The following PCDHA5 variants were observed in gnomAD, a reference collection of about 807,000 sequenced individuals.
The protein encoded by PCDHA5 is protocadherin alpha-5.
In PCDHA5, 43 loss-of-function variants were observed where a neutral mutation model predicts 61.6. The ratio of observed to expected loss-of-function variants is 0.70; its 90% CI spans 0.55 to 0.90. The LOEUF (loss-of-function observed/expected upper bound fraction) is 0.90, where lower values mean the gene tolerates loss of function less well. Ranked by LOEUF, PCDHA5 falls within the 40% of genes least tolerant of loss-of-function variation. PCDHA5 has a pLI of 0.00. For missense variants in PCDHA5, 1,298 were observed against 1,222.7 expected (o/e 1.06, Z -0.92); for synonymous variants, 627 against 543.9 (o/e 1.15, Z -2.13).
In PCDHA5 at chr5:140,850,552, C is replaced by A. The variant is rs112046100; in HGVS notation, c.2352+26425C>A. On this transcript the variant is annotated intron_variant, in intron 1 of 3. Coordinates refer to ENST00000529859, the MANE Select transcript of PCDHA5 (RefSeq NM_018908.3). ...TCATCGTCGCGGGCGTCAGTGGGTG[C>A]CACGGGCCCCGAGGTGACGCTGGTG... is the stretch of plus-strand genomic sequence containing the variant. 1,841 of 1,598,232 alleles carry A rather than the reference C, an allele frequency of 1.2e-3. 121 individuals carry two copies. The African/African-American group carries it at 0.021, about 18-fold the overall frequency.
chr5:140,929,020 A>C (rs1183262810), intron 1 of PCDHA5: 6 of 1,614,070 alleles, frequency 3.7e-6, no homozygotes, highest in Non-Finnish European at 5.1e-6. Flanking sequence ...GTTGCACCAG[A>C]GCCCAGGCTG....
intron 1 of PCDHA5, among the ~76,000 whole-genome samples, chr5:140,897,618 T>C: frequency 6.6e-6 from 1 of 152,172 alleles, no homozygotes; most frequent in Non-Finnish European, 1.5e-5. Flanking sequence ...TTCCAAGTCT[T>C]TACTATTGTG....
At chr5:141,000,608 A>G (rs1554257700) in intron 3 of PCDHA5, among the ~76,000 whole-genome samples, 2 of 150,664 alleles carry the variant, frequency 1.3e-5, no homozygotes, top group African/African-American at 4.9e-5. Context: ...TTGTATTTTT[A>G]GTAGAGACAG....
At chr5:140,876,740 T>G (rs782650836) in intron 1 of PCDHA5, 2 of 1,614,236 alleles carry the variant, frequency 1.2e-6, no homozygotes, top group East Asian at 4.5e-5. Context: ...GCCTATGAGC[T>G]GGTGGTGACT....
At chr5:140,887,776 G>T (rs2061574225) in intron 1 of PCDHA5, among the ~76,000 whole-genome samples, 1 of 152,036 alleles carries the variant, frequency 6.6e-6, no homozygotes, top group Non-Finnish European at 1.5e-5. Context: ...CAATGACACA[G>T]GTCATTGAAG....
At chr5:140,972,276 A>G (rs1471308188) in intron 1 of PCDHA5, among the ~76,000 whole-genome samples, 1 of 150,442 alleles carries the variant, frequency 6.6e-6, no homozygotes, top group Non-Finnish European at 1.5e-5. Flanking sequence ...AGTAGCTTGG[A>G]CCATAGATGT....
chr5:140,938,973 G>A (rs112209995), intron 1 of PCDHA5, among the ~76,000 whole-genome samples: 3 of 152,224 alleles, frequency 2.0e-5, no homozygotes, highest in East Asian at 1.9e-4. Context: ...TTGGCATCAA[G>A]GCTATCCTGG....
At chr5:140,873,957 A>C (rs993299790) in intron 1 of PCDHA5, among the ~76,000 whole-genome samples, 7 of 152,236 alleles carry the variant, frequency 4.6e-5, no homozygotes, top group Non-Finnish European at 7.3e-5. Flanking sequence ...CACTGAGCCC[A>C]GCCTATTTTT....
intron 1 of PCDHA5, chr5:140,929,227 G>A (rs141300036): frequency 6.2e-6 from 10 of 1,613,774 alleles, no homozygotes; most frequent in Admixed American, 5.0e-5. Context: ...CAATGCTGCC[G>A]ACCTGCGAAA....
chr5:140,925,947 G>A (rs1447488918), intron 1 of PCDHA5, among the ~76,000 whole-genome samples: 1 of 152,066 alleles, frequency 6.6e-6, no homozygotes, highest in Non-Finnish European at 1.5e-5. Flanking sequence ...CTTGGAGAAG[G>A]AGAAACTGCT....
intron 1 of PCDHA5, among the ~76,000 whole-genome samples, chr5:140,894,265 C>A (rs1328152615): frequency 6.6e-6 from 1 of 151,796 alleles, no homozygotes; most frequent in East Asian, 1.9e-4. Context: ...CAAGTGGTAG[C>A]TTATTTACAA....
rs1230659356 is a variant in PCDHA5, at chr5:140,825,430, T to G, written c.2352+1303T>G. 4 of 147,522 alleles carry G rather than the reference T, an allele frequency of 2.7e-5. No homozygotes were observed. In the East Asian group the frequency reaches 7.8e-4, roughly 29 times the overall value. The allele number at this position is 147,522 out of a possible 1,614,324, so 9.1% of individuals were successfully genotyped here. ...TATTTTATATAATATATATAATAAA[T>G]ATATAATAATAATATATATCAGATA... On this transcript the variant is annotated intron_variant, in intron 1 of 3. Transcript: ENST00000529859.
chr5:140,883,412 A>G, intron 1 of PCDHA5: 1 of 1,614,152 alleles, frequency 6.2e-7, no homozygotes, highest in African/African-American at 1.3e-5. Context: ...CTCTGGCTCA[A>G]ATGGACAGGT....
intron 1 of PCDHA5, among the ~76,000 whole-genome samples, chr5:140,874,511 C>G (rs1376439369): frequency 4.6e-5 from 7 of 152,212 alleles, no homozygotes; most frequent in Admixed American, 3.9e-4. Flanking sequence ...ATTCTCTTGA[C>G]TTTAGTCAAT....
chr5:140,877,076 T>G, intron 1 of PCDHA5: 1 of 1,613,022 alleles, frequency 6.2e-7, no homozygotes, highest in Non-Finnish European at 8.5e-7. Context: ...CAGTTCCAGG[T>G]GAGCGCGCGC....
intron 1 of PCDHA5, chr5:140,857,399 G>T (rs375062704): frequency 6.3e-7 from 1 of 1,598,510 alleles, no homozygotes; most frequent in Non-Finnish European, 8.6e-7. Context: ...GAACGACAAC[G>T]CGCCTGCGTT....
At chr5:140,826,372 A>G (rs1554130542) in intron 1 of PCDHA5, among the ~76,000 whole-genome samples, 1 of 152,228 alleles carries the variant, frequency 6.6e-6, no homozygotes, top group Admixed American at 6.5e-5. Flanking sequence ...TGCAATAGAA[A>G]GTCAGTGATA....
chr5:141,005,451 C>G (rs1263058026), intron 3 of PCDHA5, among the ~76,000 whole-genome samples: 1 of 151,986 alleles, frequency 6.6e-6, no homozygotes, highest in Non-Finnish European at 1.5e-5. Flanking sequence ...CGCCTGTAAT[C>G]CCAGCACTTT....
intron 1 of PCDHA5, among the ~76,000 whole-genome samples, chr5:140,845,265 T>C (rs1779776321): frequency 6.7e-6 from 1 of 149,658 alleles, no homozygotes; most frequent in African/African-American, 2.4e-5. Flanking sequence ...GTGTTTTCCT[T>C]TGTGAAAGTA....
Sources: allele counts gnomAD v4.1 joint callset (sites outside exome capture counted in the v4.1 genomes callset), GRCh38; gene constraint gnomAD v4.1.1; transcripts MANE v1.5; gene names NCBI Gene and HGNC (gene_info 2026-07-23, HGNC 2026-07-21).